Variants in SESTD1 observed in about 807,000 individuals in gnomAD.
SESTD1 encodes SEC14 and spectrin domain containing 1.
A neutral mutation model predicts 101.7 loss-of-function variants in SESTD1; 43 were observed. The ratio of observed to expected loss-of-function variants is 0.42; its 90% CI spans 0.33 to 0.55. The LOEUF (loss-of-function observed/expected upper bound fraction) is 0.55. Ranked by LOEUF, SESTD1 falls within the 20% of genes least tolerant of loss-of-function variation. The pLI is 0.07. For synonymous variants in SESTD1, 283 were observed against 286.8 expected, an observed-to-expected ratio of 0.99 and a Z score of 0.13; for missense variants, 647 against 815.1, an observed-to-expected ratio of 0.79 and a Z score of 2.51.
At chr2:179,119,552 A>C (rs2044703062) in intron 13 of SESTD1, among the ~76,000 whole-genome samples, 1 of 152,140 alleles carries the variant, frequency 6.6e-6, no homozygotes, top group African/African-American at 2.4e-5. Context: ...CCCTTCCACC[A>C]CGATTCTGTT....
chr2:179,107,632 C>T lies in SESTD1; in HGVS notation c.*2267G>A, dbSNP rs185289148. The T allele has an allele frequency of 3.9e-5, 6 of 152,098 alleles. No homozygotes were observed. The highest frequency in any genetic ancestry group is 8.8e-5 in the Non-Finnish European group (6 of 67,942). 9.4% of individuals were successfully genotyped at this position (152,098 alleles called of 1,614,324 possible). On this transcript the variant is annotated 3_prime_UTR_variant, in exon 18 of 18. Coordinates refer to ENST00000428443, the MANE Select transcript of SESTD1 (RefSeq NM_178123.5). ...GAATAGATTCACTTGTAAGTCAGTT[C>T]TAACTTTAAAAAAGTATGTTTAAAA...
intron 1 of SESTD1, among the ~76,000 whole-genome samples, chr2:179,263,579 G>C (rs2047512908): frequency 6.6e-6 from 1 of 152,132 alleles, no homozygotes; most frequent in Non-Finnish European, 1.5e-5. Context: ...GAGACGACCT[G>C]TCAAACAGCT....
In SESTD1 at chr2:179,123,741, A is replaced by G; in HGVS notation, c.1256T>C (p.Leu419Pro). 1 of 1,613,702 alleles carries G rather than the reference A, an allele frequency of 6.2e-7. No homozygotes were observed. Among genetic ancestry groups the G allele is most frequent in the Non-Finnish European group, 8.5e-7 (1 of 1,179,790 alleles). ...DGASIQQTLK[L>P]LEEKLKSVDV... ...AACACTTTTCAGCTTCTCTTCAAGC[A>G]GTTTTAAAGTTTGCTGAATCGATGC... is the stretch of plus-strand genomic sequence containing the variant. The change falls in exon 12 of 18, where the codon CTG becomes CCG. Residue 419 changes from leucine to proline, a missense_variant. This residue lies in a region of SESTD1 where 476 missense variants were observed against 562.6 expected (regional missense o/e 0.85). Transcript: ENST00000428443.
chr2:179,210,872 T>C (rs2046642173), intron 1 of SESTD1, among the ~76,000 whole-genome samples: 1 of 134,062 alleles, frequency 7.5e-6, no homozygotes, highest in Non-Finnish European at 1.6e-5. Flanking sequence ...GGCATCTAAA[T>C]CGGTAAAGAA....
chr2:179,132,786 C>T (rs2045041273), intron 9 of SESTD1, among the ~76,000 whole-genome samples: 1 of 152,144 alleles, frequency 6.6e-6, no homozygotes, highest in South Asian at 2.1e-4. Context: ...GAAATGATAT[C>T]AGTCAAAGTT....
At chr2:179,258,158 T>TA (rs2047427578) in intron 1 of SESTD1, among the ~76,000 whole-genome samples, 1 of 152,232 alleles carries the variant, frequency 6.6e-6, no homozygotes, top group Admixed American at 6.5e-5. Context: ...GTATTTTGTA[T>TA]TCTGCAGAAA....
At chr2:179,255,678 A>G (rs1437293966) in intron 1 of SESTD1, among the ~76,000 whole-genome samples, 2 of 152,264 alleles carry the variant, frequency 1.3e-5, no homozygotes, top group Non-Finnish European at 2.9e-5. Context: ...TGTTATCAAA[A>G]AAATCTAGCT....
chr2:179,161,075 C>CTT lies in SESTD1; in HGVS notation c.370-9686_370-9685dup, dbSNP rs56092247. The stretch of plus-strand genomic sequence containing the variant: ...TACAGGTATGCACCACCATACCTAG[C>CTT]TTTTTTTTTTTTTTTTTTTAATTTT... On this transcript the variant is annotated intron_variant, in intron 5 of 17. Coordinates refer to ENST00000428443, the MANE Select transcript of SESTD1 (RefSeq NM_178123.5). Among the ~76,000 whole-genome samples, 59 of 134,210 alleles carry CTT rather than the reference C, an allele frequency of 4.4e-4. No homozygotes were observed. In the East Asian group the frequency reaches 7.0e-3, roughly 16 times the overall value. The allele number at this position is 134,210 out of a possible 152,430, so 88.0% of individuals were successfully genotyped here.
In SESTD1 at chr2:179,146,470, A is replaced by G. The variant is rs562155607; in HGVS notation, c.582-13T>C. 5.0e-5 allele frequency: 81 copies of G among 1,607,572 alleles called. No homozygotes were observed. The Middle Eastern group carries it at 9.9e-4, about 20-fold the overall frequency. Reference sequence around the variant, plus strand: ...TAAATCCACAGACCTGGAAAACACCAAAGGAGTAATTTTCAAAAGGCATAT... The same window carrying G: ...TAAATCCACAGACCTGGAAAACACCGAAGGAGTAATTTTCAAAAGGCATAT... On this transcript the variant is annotated splice_polypyrimidine_tract_variant and intron_variant, in intron 7 of 17. Coordinates refer to ENST00000428443, the MANE Select transcript of SESTD1 (RefSeq NM_178123.5).
At chr2:179,176,571 C>A in intron 3 of SESTD1, 33 bp from the exon 4 acceptor site, 1 of 1,563,124 alleles carries the variant, frequency 6.4e-7, no homozygotes, top group Non-Finnish European at 8.8e-7. Flanking sequence ...AGCATTAAAA[C>A]AAGCTCCAGA....
At chr2:179,219,188 A>G (rs2046768510) in intron 1 of SESTD1, among the ~76,000 whole-genome samples, 1 of 152,228 alleles carries the variant, frequency 6.6e-6, no homozygotes, top group South Asian at 2.1e-4. Context: ...ATTAGAGGGC[A>G]GCAGAGGATG....
chr2:179,111,219 C>T (rs1401078894), intron 17 of SESTD1, among the ~76,000 whole-genome samples: 1 of 152,098 alleles, frequency 6.6e-6, no homozygotes, highest in Non-Finnish European at 1.5e-5. Context: ...CTTTAGGCTA[C>T]CTCTGATTGT....
At chr2:179,220,445 G>A (rs1432336040) in intron 1 of SESTD1, among the ~76,000 whole-genome samples, 2 of 152,144 alleles carry the variant, frequency 1.3e-5, no homozygotes, top group African/African-American at 4.8e-5. Flanking sequence ...AATTCCAGGA[G>A]GGTCAAGATA....
chr2:179,112,312 T>C (rs1025251521), intron 17 of SESTD1, among the ~76,000 whole-genome samples: 1 of 152,180 alleles, frequency 6.6e-6, no homozygotes, highest in Non-Finnish European at 1.5e-5. Context: ...TCATACTGGT[T>C]TGGTCCTCTT....
chr2:179,158,943 G>A (rs1280963682), intron 5 of SESTD1, among the ~76,000 whole-genome samples: 1 of 152,176 alleles, frequency 6.6e-6, no homozygotes, highest in Non-Finnish European at 1.5e-5. Context: ...TATCTACTGT[G>A]ATGAAACATC....
At chr2:179,113,267 C>G (rs1559095023) in intron 16 of SESTD1, among the ~76,000 whole-genome samples, 1 of 152,034 alleles carries the variant, frequency 6.6e-6, no homozygotes. Context: ...ACTGTGTTCT[C>G]AAAGAGCATA....
At chr2:179,192,193 C>T (rs918767951) in intron 1 of SESTD1, among the ~76,000 whole-genome samples, 33 of 152,206 alleles carry the variant, frequency 2.2e-4, no homozygotes, top group Middle Eastern at 3.4e-3. Context: ...GAGCAATACT[C>T]GGGCTAAAAC....
intron 7 of SESTD1, 134 bp downstream of exon 7, chr2:179,149,163 A>C (rs1310940090): frequency 1.8e-6 from 1 of 552,038 alleles, no homozygotes; most frequent in Admixed American, 4.1e-5. Flanking sequence ...TCTCACGAAT[A>C]TTGTACGTCA....
At chr2:179,170,390 C>A (rs1011842597) in intron 5 of SESTD1, among the ~76,000 whole-genome samples, 2 of 152,048 alleles carry the variant, frequency 1.3e-5, no homozygotes, top group African/African-American at 4.8e-5. Flanking sequence ...ACAAAAAAGA[C>A]CTTATTTTTT....
Sources: allele counts gnomAD v4.1 joint callset (sites outside exome capture counted in the v4.1 genomes callset), GRCh38; gene constraint gnomAD v4.1.1; regional missense constraint gnomAD v4.1.1; transcripts MANE v1.5; gene names NCBI Gene and HGNC (gene_info 2026-07-23, HGNC 2026-07-21).